Variants in EEPD1 observed in about 807,000 individuals in gnomAD.
EEPD1 encodes the protein endonuclease/exonuclease/phosphatase family domain containing 1.
EEPD1 carries 17 observed loss-of-function variants against 46.3 expected under a neutral mutation model. The observed-to-expected ratio is 0.37, with a 90% CI of 0.25 to 0.55. The LOEUF (loss-of-function observed/expected upper bound fraction) is 0.55. Ranked by LOEUF, EEPD1 falls within the 20% of genes least tolerant of loss-of-function variation. EEPD1 has a pLI of 0.83. For missense variants in EEPD1, 673 were observed against 745.6 expected (o/e 0.90, Z 1.13); for synonymous variants, 313 against 315.6 (o/e 0.99, Z 0.09).
chr7:36,218,448 GTCTC>G (rs950123250), intron 2 of EEPD1, among the ~76,000 whole-genome samples: 18 of 152,152 alleles, frequency 1.2e-4, no homozygotes, highest in African/African-American at 3.4e-4. Flanking sequence ...TGTGAATGTG[GTCTC>G]TCTCTTTCTC....
At chr7:36,202,927 A>G (rs958829780) in intron 2 of EEPD1, among the ~76,000 whole-genome samples, 1 of 152,232 alleles carries the variant, frequency 6.6e-6, no homozygotes, top group Admixed American at 6.5e-5. Flanking sequence ...CTGAAGCAGG[A>G]CAGTCAAACC....
intron 2 of EEPD1, among the ~76,000 whole-genome samples, chr7:36,165,002 C>G (rs1175745799): frequency 6.6e-6 from 1 of 152,034 alleles, no homozygotes; most frequent in Non-Finnish European, 1.5e-5. Flanking sequence ...TTTATAAAGT[C>G]AAAATGTTAC....
At chr7:36,246,566 C>T (rs1196934163) in intron 3 of EEPD1, among the ~76,000 whole-genome samples, 5 of 152,192 alleles carry the variant, frequency 3.3e-5, no homozygotes, top group Non-Finnish European at 4.4e-5. Flanking sequence ...TTACTTCTCT[C>T]TGGAGAAGCC....
intron 6 of EEPD1, among the ~76,000 whole-genome samples, chr7:36,295,283 A>G (rs1357017031): frequency 6.6e-6 from 1 of 152,192 alleles, no homozygotes; most frequent in Non-Finnish European, 1.5e-5. Flanking sequence ...TGCTGGGTGG[A>G]TGTCAAAAGG....
intron 2 of EEPD1, among the ~76,000 whole-genome samples, chr7:36,190,471 T>G (rs1465498909): frequency 6.6e-6 from 1 of 152,244 alleles, no homozygotes; most frequent in Admixed American, 6.5e-5. Context: ...CTCTCATTCC[T>G]GTGACATAAT....
chr7:36,254,419 G>A (rs1371528261), intron 3 of EEPD1, among the ~76,000 whole-genome samples: 1 of 152,106 alleles, frequency 6.6e-6, no homozygotes, highest in African/African-American at 2.4e-5. Context: ...GAGAATGATG[G>A]TTTCCAGCTT....
intron 2 of EEPD1, among the ~76,000 whole-genome samples, chr7:36,222,762 G>A (rs1166815405): frequency 1.3e-5 from 2 of 152,110 alleles, no homozygotes; most frequent in East Asian, 1.9e-4. Flanking sequence ...TTGGTGGAAG[G>A]AGCAAAGCAG....
chr7:36,197,300 G>GC (rs1277724017), intron 2 of EEPD1, among the ~76,000 whole-genome samples: 110 of 144,990 alleles, frequency 7.6e-4, no homozygotes, highest in African/African-American at 2.8e-3. Flanking sequence ...GGGGGGGTCA[G>GC]CCCCCCGCCC....
At chr7:36,219,806 A>AGAGAGAGAGTGT (rs1341203087) in intron 2 of EEPD1, among the ~76,000 whole-genome samples, 4 of 75,400 alleles carry the variant, frequency 5.3e-5, no homozygotes, top group African/African-American at 9.1e-5. Flanking sequence ...AGAGAGAGAG[A>AGAGAGAGAGTGT]GTGTGTGTGT....
chr7:36,214,336 C>T (rs1785991216), intron 2 of EEPD1, among the ~76,000 whole-genome samples: 1 of 152,196 alleles, frequency 6.6e-6, no homozygotes, highest in Admixed American at 6.5e-5. Context: ...GTTTTTCAGA[C>T]AGCATCCACA....
chr7:36,155,259 A>G, intron 2 of EEPD1, 57 bp downstream of exon 2: 1 of 1,471,808 alleles, frequency 6.8e-7, no homozygotes. Context: ...GCGTGACCTC[A>G]TCTATGGATG....
chr7:36,187,917 C>T (rs373819327), intron 2 of EEPD1, among the ~76,000 whole-genome samples: 2 of 152,326 alleles, frequency 1.3e-5, no homozygotes, highest in African/African-American at 4.8e-5. Flanking sequence ...CTGCCTCAGC[C>T]TCCTGAGTAG....
intron 3 of EEPD1, among the ~76,000 whole-genome samples, chr7:36,279,004 CA>C (rs779988117): frequency 7.2e-5 from 11 of 152,338 alleles, no homozygotes; most frequent in Non-Finnish European, 1.3e-4. Context: ...AACTCAGCAG[CA>C]GAGAACATAT....
At chr7:36,274,590 G>A (rs567144668) in intron 3 of EEPD1, among the ~76,000 whole-genome samples, 2 of 152,190 alleles carry the variant, frequency 1.3e-5, no homozygotes, top group African/African-American at 4.8e-5. Flanking sequence ...CGTGCAGGAT[G>A]TGCAGGTTTA....
intron 3 of EEPD1, among the ~76,000 whole-genome samples, chr7:36,248,994 A>AACACACACACACACACAC (rs71553052): frequency 0.013 from 1,794 of 135,344 alleles, 21 homozygotes; most frequent in African/African-American, 0.02. Context: ...TGGTTCATTA[A>AACACACACACACACACAC]ACACACACAC....
At chr7:36,272,506 G>GTTGTT (rs760638364) in intron 3 of EEPD1, among the ~76,000 whole-genome samples, 22 of 130,506 alleles carry the variant, frequency 1.7e-4, no homozygotes, top group African/African-American at 4.2e-4. Flanking sequence ...TTTTGTTGTT[G>GTTGTT]TTTTTTTTTT....
chr7:36,259,926 T>A (rs1786892892), intron 3 of EEPD1, among the ~76,000 whole-genome samples: 2 of 152,264 alleles, frequency 1.3e-5, no homozygotes. Flanking sequence ...AGTTTTCATT[T>A]GTTCCTGTGA....
chr7:36,276,114 G>A, intron 3 of EEPD1, among the ~76,000 whole-genome samples: 1 of 152,298 alleles, frequency 6.6e-6, no homozygotes, highest in African/African-American at 2.4e-5. Context: ...TACTGAGGCT[G>A]AGACCTACTG....
In EEPD1 at chr7:36,221,068, C is replaced by T. The variant is rs113531284; in HGVS notation, c.879-17917C>T. ...AAATGATCAGCCTGCCTCAGCGTCC[C>T]AAAGTGTTTAGATTACAGGCGTGAG... On this transcript the variant is annotated intron_variant, in intron 2 of 7. Transcript: ENST00000242108. Among the ~76,000 whole-genome samples the T allele has an allele frequency of 2.2e-3, 340 of 152,334 alleles. 2 individuals carry two copies. The highest frequency in any genetic ancestry group is 7.6e-3 in the African/African-American group (314 of 41,572).
Sources: gnomAD v4.1 joint callset for allele counts (sites outside exome capture counted in the v4.1 genomes callset) on GRCh38, gnomAD v4.1.1 for gene constraint, MANE v1.5 for transcripts, NCBI Gene and HGNC (gene_info 2026-07-23, HGNC 2026-07-21) for gene names.